EFL1: variants seen among roughly 807,000 people sequenced by gnomAD.
EFL1 encodes elongation factor like GTPase 1.
EFL1 carries 76 observed loss-of-function variants against 126.7 expected under a neutral mutation model. The ratio of observed to expected loss-of-function variants is 0.60; its 90% confidence interval spans 0.50 to 0.73. The LOEUF (loss-of-function observed/expected upper bound fraction) is 0.73. Among genes scored for constraint, EFL1 ranks in the 30% least tolerant of loss-of-function variants. EFL1 has a pLI of 0.00. For synonymous variants in EFL1, 410 were observed against 448.4 expected, an observed-to-expected ratio of 0.91 and a Z score of 1.08; for missense variants, 1,128 against 1,343.2, an observed-to-expected ratio of 0.84 and a Z score of 2.50.
intron 15 of EFL1, among the ~76,000 whole-genome samples, chr15:82,189,292 T>C (rs1811329280): frequency 6.6e-6 from 1 of 152,200 alleles, no homozygotes; most frequent in African/African-American, 2.4e-5. Context: ...ATGCAATGCA[T>C]GACTGTATTT....
At position 82,163,988 on chromosome 15, in the gene EFL1, T is replaced by C. The variant is rs758283806; in HGVS notation, c.1751-4A>G. Reference sequence around the variant, plus strand: ...AAATCTTGAAGGCCTCCTATTCCTGTAGGAAGAAAAGATCCATACGGTCAA... The same window carrying C: ...AAATCTTGAAGGCCTCCTATTCCTGCAGGAAGAAAAGATCCATACGGTCAA... On this transcript the variant is annotated splice_polypyrimidine_tract_variant and splice_region_variant and intron_variant, in intron 15 of 19. Transcript: ENST00000268206. The C allele has an allele frequency of 6.2e-7, 1 of 1,613,234 alleles. No individual in the cohort carries two copies. Among genetic ancestry groups the C allele is most frequent in the Non-Finnish European group, 8.5e-7 (1 of 1,179,696 alleles).
chr15:82,200,295 A>T (rs1009535805), intron 15 of EFL1, among the ~76,000 whole-genome samples: 17 of 152,208 alleles, frequency 1.1e-4, no homozygotes, highest in Non-Finnish European at 1.9e-4. Context: ...GAATTTTTTT[A>T]AAAAAGAGGG....
chr15:82,254,509 G>A (rs2075050514), intron 3 of EFL1, among the ~76,000 whole-genome samples: 1 of 152,020 alleles, frequency 6.6e-6, no homozygotes, highest in Admixed American at 6.6e-5. Flanking sequence ...TGTGCCCCTG[G>A]CTTACAGGTA....
chr15:82,182,523 C>T (rs1158172083), intron 15 of EFL1, among the ~76,000 whole-genome samples: 5 of 151,930 alleles, frequency 3.3e-5, no homozygotes, highest in Non-Finnish European at 7.4e-5. Context: ...GGCAAGATGC[C>T]TGTAAATCAT....
At chr15:82,217,393 A>AC (rs1381547626) in intron 14 of EFL1, among the ~76,000 whole-genome samples, 1 of 150,076 alleles carries the variant, frequency 6.7e-6, no homozygotes, top group East Asian at 1.9e-4. Context: ...AAAAAAAAAA[A>AC]AACGAAAACA....
intron 4 of EFL1, among the ~76,000 whole-genome samples, chr15:82,247,819 A>G (rs954018050): frequency 1.3e-5 from 2 of 152,130 alleles, no homozygotes; most frequent in Admixed American, 1.3e-4. Flanking sequence ...GGAAGAGACT[A>G]TAAGAGAGGC....
chr15:82,141,674 C>CA (rs1222419584), intron 18 of EFL1, among the ~76,000 whole-genome samples: 243 of 57,758 alleles, frequency 4.2e-3, no homozygotes, highest in East Asian at 0.011. Context: ...ACTCGGTCTC[C>CA]AAAAAAAAAA....
Position 82,151,829 on chromosome 15 carries a change from T to C in EFL1, c.2625A>G (p.Leu875=), listed in dbSNP as rs199737384. 39 of 1,614,150 alleles carry C rather than the reference T, an allele frequency of 2.4e-5. No homozygotes were observed. Among genetic ancestry groups the C allele is most frequent in the Admixed American group, 1.0e-4 (6 of 60,020 alleles). The change falls in exon 18 of 20, where the codon CTA becomes CTG. Residue 875 remains leucine (L), a synonymous_variant. Transcript: ENST00000268206. ...CACACATGGGGCCAGAGAGGGTTGC[T>C]AGTTGGAAGCCACTCACAATGCTAT... ...LGNSIVSGFQ[L]ATLSGPMCEE... is the part of the protein sequence containing the mutation.
rs1171908954 is a variant in EFL1 at position 82,195,841 on chromosome 15, G to A, written c.1750+18876C>T. Among the ~76,000 whole-genome samples, 5 of 152,100 alleles carry A rather than the reference G, an allele frequency of 3.3e-5. No individual in the cohort carries two copies. In the East Asian group the frequency reaches 9.6e-4, roughly 29 times the overall value. On this transcript the variant is annotated intron_variant, in intron 15 of 19. Transcript: ENST00000268206. ...CATCAGAGATATGCCTAAAGAATGA[G>A]GACCCTTGCCCCAGGAGCTCCGAGA... is the stretch of plus-strand genomic sequence containing the variant.
Position 82,259,169 on chromosome 15 carries a change from A to C in EFL1, c.92-14T>G. ...GAGTAGTTTTTCCTGTTAAAATAGC[A>C]ACATCAATTCAAATCTATATCTTTT... is the stretch of plus-strand genomic sequence containing the variant. On this transcript the variant is annotated splice_polypyrimidine_tract_variant and intron_variant, in intron 2 of 19. Transcript: ENST00000268206. The C allele has an allele frequency of 6.2e-7, 1 of 1,610,064 alleles. No homozygotes were observed. The highest frequency in any genetic ancestry group is 8.5e-7 in the Non-Finnish European group (1 of 1,176,390).
intron 4 of EFL1, among the ~76,000 whole-genome samples, chr15:82,252,274 G>A (rs2075029329): frequency 6.6e-6 from 1 of 152,132 alleles, no homozygotes; most frequent in Non-Finnish European, 1.5e-5. Context: ...TAAATTCCTA[G>A]AAGTGTTACT....
At position 82,134,345 on chromosome 15, in the gene EFL1, T is replaced by C. The variant is rs537366491; in HGVS notation, c.3175-3784A>G. On this transcript the variant is annotated intron_variant, in intron 19 of 19. Coordinates refer to ENST00000268206, the MANE Select transcript of EFL1 (RefSeq NM_024580.6). ...GACCCTCCAGGCCACAGAGAGGGGC[T>C]TGATATCAAACTGAAGAAAAAGGTG... 1.3e-3 allele frequency among the ~76,000 whole-genome samples: 192 copies of C among 152,062 alleles called. 1 individual carries two copies. The highest frequency in any genetic ancestry group is 2.3e-3 in the Non-Finnish European group (157 of 67,978).
intron 18 of EFL1, among the ~76,000 whole-genome samples, chr15:82,150,743 A>G (rs926505665): frequency 6.6e-6 from 1 of 152,212 alleles, no homozygotes; most frequent in Non-Finnish European, 1.5e-5. Flanking sequence ...TTTCTCAGAA[A>G]GAACCCAGAA....
chr15:82,172,629 G>A (rs138343052), intron 15 of EFL1, among the ~76,000 whole-genome samples: 1,639 of 152,116 alleles, frequency 0.011, 31 homozygotes, highest in African/African-American at 0.038. Flanking sequence ...AATATACACC[G>A]AATTTTCAGA....
chr15:82,215,265 GTTC>G (rs1251729650), intron 14 of EFL1, among the ~76,000 whole-genome samples: 1 of 151,918 alleles, frequency 6.6e-6, no homozygotes, highest in Non-Finnish European at 1.5e-5. Flanking sequence ...TATTTATAAT[GTTC>G]TTCAAGTATT....
chr15:82,219,212 C>T (rs2074682202), intron 14 of EFL1, among the ~76,000 whole-genome samples: 1 of 152,212 alleles, frequency 6.6e-6, no homozygotes, highest in African/African-American at 2.4e-5. Context: ...CTTACAGACC[C>T]TCCTGTCCAG....
rs188034671 is a variant in EFL1, at chr15:82,204,689, T to G, written c.1750+10028A>C. 3.9e-5 allele frequency among the ~76,000 whole-genome samples: 6 copies of G among 152,352 alleles called. No individual in the cohort carries two copies. The East Asian group carries it at 1.2e-3, about 29-fold the overall frequency. ...GTCAAATGTCTCACTATCTGTTCCTTGAGCATGACCTTTGCTTGGCTCATT... is the reference window on the plus strand; with the variant it reads ...GTCAAATGTCTCACTATCTGTTCCTGGAGCATGACCTTTGCTTGGCTCATT... On this transcript the variant is annotated intron_variant, in intron 15 of 19. Transcript: ENST00000268206.
intron 4 of EFL1, among the ~76,000 whole-genome samples, chr15:82,249,044 T>C (rs1348468161): frequency 2.0e-5 from 3 of 152,084 alleles, no homozygotes; most frequent in Non-Finnish European, 4.4e-5. Flanking sequence ...GCATTAAATA[T>C]AAAAATTGAA....
At chr15:82,136,923 A>T (rs1567035964) in intron 19 of EFL1, among the ~76,000 whole-genome samples, 1 of 152,212 alleles carries the variant, frequency 6.6e-6, no homozygotes, top group Non-Finnish European at 1.5e-5. Flanking sequence ...AAAGATTCAT[A>T]GTAAATTACT....
Sources: gnomAD v4.1 joint callset for allele counts (sites outside exome capture counted in the v4.1 genomes callset) on GRCh38, gnomAD v4.1.1 for gene constraint, MANE v1.5 for transcripts, NCBI Gene and HGNC (gene_info 2026-07-23, HGNC 2026-07-21) for gene names.